The following ERBB4 variants were observed in gnomAD, a reference collection of about 807,000 sequenced individuals.
ERBB4 encodes the protein erb-b2 receptor tyrosine kinase 4, also known as receptor tyrosine-protein kinase erbB-4.
ERBB4 carries 42 observed loss-of-function variants against 158.0 expected under a neutral mutation model. That is an observed-to-expected ratio of 0.27 (90% CI 0.21 to 0.34). The LOEUF (loss-of-function observed/expected upper bound fraction) is 0.34. Ranked by LOEUF, ERBB4 falls within the 10% of genes least tolerant of loss-of-function variation. The probability of loss-of-function intolerance (pLI) is 1.00; values close to 1 mark genes in which losing one functional copy is unlikely to be tolerated. For synonymous variants in ERBB4, 583 were observed against 558.7 expected (o/e 1.04, Z -0.61); for missense variants, 1,333 against 1,624.1 (o/e 0.82, Z 3.08).
intron 2 of ERBB4, among the ~76,000 whole-genome samples, chr2:211,954,357 T>G (rs556431705): frequency 6.6e-6 from 1 of 152,198 alleles, no homozygotes; most frequent in African/African-American, 2.4e-5. Flanking sequence ...CCTACTAAAA[T>G]TATTCATCAA....
At chr2:211,970,910 C>T (rs1335862613) in intron 2 of ERBB4, among the ~76,000 whole-genome samples, 1 of 152,088 alleles carries the variant, frequency 6.6e-6, no homozygotes, top group Admixed American at 6.6e-5. Context: ...TGGATTTGCT[C>T]TTGTCATCAT....
chr2:212,001,413 G>C (rs1575496912), intron 2 of ERBB4, among the ~76,000 whole-genome samples: 1 of 152,116 alleles, frequency 6.6e-6, no homozygotes, highest in East Asian at 1.9e-4. Flanking sequence ...TTTATAGGGT[G>C]TTATACTTGC....
intron 1 of ERBB4, among the ~76,000 whole-genome samples, chr2:212,360,601 A>T (rs556029974): frequency 7.9e-5 from 12 of 151,768 alleles, no homozygotes; most frequent in African/African-American, 2.7e-4. Context: ...AAATGACCAA[A>T]CTTAGTAGCA....
rs2085786277 is a variant in ERBB4 at position 212,282,251 on chromosome 2, C to T, written c.83-157348G>A. Among the ~76,000 whole-genome samples, 4 of 151,900 alleles carry T rather than the reference C, an allele frequency of 2.6e-5. No homozygotes were observed. The South Asian group carries it at 8.3e-4, about 31-fold the overall frequency. ...CAATTCCCTCATTTTATAGGCAAGG[C>T]AAATAAAATTCAGAAAGCTAAAATA... On this transcript the variant is annotated intron_variant, in intron 1 of 27. Transcript: ENST00000342788.
In ERBB4 at chr2:211,702,121, T is replaced by C. The variant is rs2073276184; in HGVS notation, c.1335A>G (p.Leu445=). ...LILKQQGITS[L]QFQSLKEISA... ...TGATTTCCTTCAGGGACTGGAACTGTAGAGAGGTGATGCCCTGTTGCTTGA... is the reference window on the plus strand; with the variant it reads ...TGATTTCCTTCAGGGACTGGAACTGCAGAGAGGTGATGCCCTGTTGCTTGA... The change falls in exon 12 of 28, where the codon CTA becomes CTG. Residue 445 remains leucine, a synonymous_variant. Coordinates refer to ENST00000342788, the MANE Select transcript of ERBB4 (RefSeq NM_005235.3). 2 of 1,613,944 alleles carry C rather than the reference T, an allele frequency of 1.2e-6. No homozygotes were observed. Among genetic ancestry groups the C allele is most frequent in the Non-Finnish European group, 1.7e-6 (2 of 1,180,016 alleles).
At chr2:212,010,998 G>C (rs988875060) in intron 2 of ERBB4, among the ~76,000 whole-genome samples, 2 of 152,136 alleles carry the variant, frequency 1.3e-5, no homozygotes, top group African/African-American at 4.8e-5. Context: ...CCTTATGGTT[G>C]TCTTCCCTTG....
chr2:212,146,010 G>T (rs891874329), intron 1 of ERBB4, among the ~76,000 whole-genome samples: 4 of 151,988 alleles, frequency 2.6e-5, no homozygotes, highest in Non-Finnish European at 1.5e-5. Flanking sequence ...TATGCTTCCT[G>T]GTGTGTCTCC....
intron 15 of ERBB4, among the ~76,000 whole-genome samples, chr2:211,662,037 TCAAAAAAAAAAAAAAAAAAAAAA>T (rs2071443663): frequency 3.1e-5 from 1 of 32,498 alleles, no homozygotes; most frequent in African/African-American, 1.7e-4. Context: ...GGACTCCGTC[TCAAAAAAAAAAAAAAAAAAAAAA>T]AAAAAAAAAA....
rs561148314 is a variant in ERBB4, at chr2:211,694,160, G to A, written c.1489+7807C>T. Among the ~76,000 whole-genome samples the A allele has an allele frequency of 3.9e-5, 6 of 152,206 alleles. No individual in the cohort carries two copies. The South Asian group carries it at 1.2e-3, about 32-fold the overall frequency. ...ATATGGTCACATTCATAGATACCAG[G>A]GGTCAGGACTTCAGCATCTTCTGGA... On this transcript the variant is annotated intron_variant, in intron 12 of 27. Coordinates refer to ENST00000342788, the MANE Select transcript of ERBB4 (RefSeq NM_005235.3).
intron 1 of ERBB4, among the ~76,000 whole-genome samples, chr2:212,384,890 AATATATAT>A (rs67216333): frequency 5.8e-4 from 71 of 123,184 alleles, no homozygotes; most frequent in South Asian, 3.1e-3. Context: ...ATGTTTGTGG[AATATATAT>A]ATATATATAT....
intron 2 of ERBB4, among the ~76,000 whole-genome samples, chr2:212,046,804 T>C (rs895573466): frequency 6.6e-6 from 1 of 152,180 alleles, no homozygotes; most frequent in Non-Finnish European, 1.5e-5. Flanking sequence ...TGTTTGCTGG[T>C]TGTCATGGTA....
At chr2:211,615,318 C>T (rs1462633881) in intron 19 of ERBB4, among the ~76,000 whole-genome samples, 2 of 151,078 alleles carry the variant, frequency 1.3e-5, no homozygotes, top group African/African-American at 4.9e-5. Context: ...GTGTTCTGCA[C>T]CATTTTGTGG....
chr2:211,413,795 C>T (rs2063321141), intron 25 of ERBB4, among the ~76,000 whole-genome samples: 1 of 151,738 alleles, frequency 6.6e-6, no homozygotes, highest in African/African-American at 2.4e-5. Context: ...GGCATGCGGA[C>T]ACATTGAAGG....
At chr2:212,530,347 T>A (rs1692685723) in intron 1 of ERBB4, among the ~76,000 whole-genome samples, 1 of 152,204 alleles carries the variant, frequency 6.6e-6, no homozygotes, top group Non-Finnish European at 1.5e-5. Flanking sequence ...AAAGTATGTG[T>A]ATAAAAGAAA....
At chr2:211,487,793 C>T (rs74654817) in intron 20 of ERBB4, among the ~76,000 whole-genome samples, 2,815 of 152,002 alleles carry the variant, frequency 0.019, 89 homozygotes, top group African/African-American at 0.064. Context: ...TAAAGGGCTG[C>T]GGGGGTTATG....
At chr2:212,340,697 T>C (rs1373212858) in intron 1 of ERBB4, among the ~76,000 whole-genome samples, 2 of 152,188 alleles carry the variant, frequency 1.3e-5, no homozygotes, top group Non-Finnish European at 2.9e-5. Context: ...GGGAAGCAGC[T>C]GGCTGTAAAT....
intron 1 of ERBB4, among the ~76,000 whole-genome samples, chr2:212,451,351 T>G (rs1014917439): frequency 1.3e-5 from 2 of 152,226 alleles, no homozygotes; most frequent in African/African-American, 4.8e-5. Context: ...CATAAACTAC[T>G]TGTTAAGACC....
intron 1 of ERBB4, among the ~76,000 whole-genome samples, chr2:212,517,428 G>C (rs1309848649): frequency 6.6e-6 from 1 of 152,016 alleles, no homozygotes; most frequent in African/African-American, 2.4e-5. Context: ...ATAGAATTAA[G>C]GGACATGGCA....
chr2:212,312,573 A>G (rs1409842282), intron 1 of ERBB4, among the ~76,000 whole-genome samples: 1 of 151,108 alleles, frequency 6.6e-6, no homozygotes, highest in Non-Finnish European at 1.5e-5. Flanking sequence ...AAAAGCAAAC[A>G]TTCTAATTAA....
Sources: allele counts gnomAD v4.1 joint callset (sites outside exome capture counted in the v4.1 genomes callset), GRCh38; gene constraint gnomAD v4.1.1; transcripts MANE v1.5; gene names NCBI Gene and HGNC (gene_info 2026-07-23, HGNC 2026-07-21).